MAMDC2: variants seen among roughly 807,000 people sequenced by gnomAD.
The protein encoded by MAMDC2 is MAM domain-containing protein 2.
A neutral mutation model predicts 89.8 loss-of-function variants in MAMDC2; 57 were observed. That is an observed-to-expected ratio of 0.63 (90% CI 0.51 to 0.79). MAMDC2 has a LOEUF of 0.79. Among genes scored for constraint, MAMDC2 ranks in the 30% least tolerant of loss-of-function variants. The pLI, the probability that MAMDC2 is intolerant of heterozygous loss-of-function variation, is 0.00. For synonymous variants in MAMDC2, 313 were observed against 293.4 expected, an observed-to-expected ratio of 1.07 and a Z score of -0.68; for missense variants, 800 against 820.6, an observed-to-expected ratio of 0.97 and a Z score of 0.31.
intron 2 of MAMDC2, among the ~76,000 whole-genome samples, chr9:70,063,531 G>T (rs566645197): frequency 6.6e-6 from 1 of 152,176 alleles, no homozygotes; most frequent in South Asian, 2.1e-4. Flanking sequence ...GTAAATAAAA[G>T]AAAAATATAA....
At chr9:70,205,204 AAGTGTCTAATTC>A (rs1429318718) in intron 11 of MAMDC2, among the ~76,000 whole-genome samples, 2 of 152,218 alleles carry the variant, frequency 1.3e-5, no homozygotes, top group Non-Finnish European at 2.9e-5. Flanking sequence ...TAACCATTTT[AAGTGTCTAATTC>A]AGTGGCACTG....
At chr9:70,085,804 T>G (rs1423065009) in intron 2 of MAMDC2, 1 of 152,106 alleles carries the variant, frequency 6.6e-6, no homozygotes, top group South Asian at 2.1e-4. Context: ...ACATGAGAAA[T>G]TACACCTCAA....
intron 11 of MAMDC2, among the ~76,000 whole-genome samples, chr9:70,199,975 C>T (rs1051667761): frequency 4.6e-5 from 7 of 152,090 alleles, no homozygotes; most frequent in East Asian, 1.9e-4. Flanking sequence ...GAGTGGGTTG[C>T]GAAAATTTTC....
At chr9:70,137,776 T>C (rs1270925984) in intron 7 of MAMDC2, among the ~76,000 whole-genome samples, 3 of 152,172 alleles carry the variant, frequency 2.0e-5, no homozygotes, top group African/African-American at 7.2e-5. Flanking sequence ...CAGACAAGAA[T>C]CACACTTGGC....
At position 70,113,015 on chromosome 9, in the gene MAMDC2, C is replaced by A. The variant is rs866535791; in HGVS notation, c.526C>A (p.His176Asn). The A allele has an allele frequency of 1.9e-6, 3 of 1,614,118 alleles. No individual in the cohort carries two copies. Among genetic ancestry groups the A allele is most frequent in the East Asian group, 2.2e-5 (1 of 44,878 alleles). ...YCIECDFEEN[H>N]LCGFVNRWNP... is the part of the protein sequence containing the mutation. ...CCCAGAATGTGACTTTGAAGAAAATCATCTCTGTGGCTTTGTGAACCGCTG... is the reference window on the plus strand; with the variant it reads ...CCCAGAATGTGACTTTGAAGAAAATAATCTCTGTGGCTTTGTGAACCGCTG... The change falls in exon 5 of 14, where the codon CAT (histidine) becomes AAT (asparagine). Residue 176 changes from histidine (H) to asparagine (N), a missense_variant. His to Asn is a moderately conservative substitution (Grantham distance 68, BLOSUM62 1). Coordinates refer to ENST00000377182, the MANE Select transcript of MAMDC2 (RefSeq NM_153267.5).
At chr9:70,059,025 A>G (rs1419357501) in intron 2 of MAMDC2, among the ~76,000 whole-genome samples, 4 of 152,208 alleles carry the variant, frequency 2.6e-5, no homozygotes, top group African/African-American at 4.8e-5. Context: ...CAGTAGAACT[A>G]TGTTTCTTGA....
intron 2 of MAMDC2, among the ~76,000 whole-genome samples, chr9:70,045,905 C>T (rs1307985471): frequency 6.6e-6 from 1 of 152,200 alleles, no homozygotes; most frequent in East Asian, 1.9e-4. Flanking sequence ...ATTGCCAAGT[C>T]TTGACTACTA....
chr9:70,202,539 G>C (rs1480893994), intron 11 of MAMDC2, among the ~76,000 whole-genome samples: 1 of 150,424 alleles, frequency 6.6e-6, no homozygotes, highest in Admixed American at 6.6e-5. Context: ...CTGTTGATTT[G>C]GGGTGGAGAG....
chr9:70,185,716 C>T lies in MAMDC2; in HGVS notation c.1651+15085C>T, dbSNP rs1027225361. Among the ~76,000 whole-genome samples the T allele has an allele frequency of 3.3e-5, 5 of 152,164 alleles. 1 individual carries two copies. In the East Asian group the frequency reaches 5.8e-4, roughly 18 times the overall value. Reference sequence around the variant, plus strand: ...CTGCCTACACAAGCCTCAGTAATGACGGATGCTCCTCTCACACCAAACTCC... The same window carrying T: ...CTGCCTACACAAGCCTCAGTAATGATGGATGCTCCTCTCACACCAAACTCC... On this transcript the variant is annotated intron_variant, in intron 11 of 13. Coordinates refer to ENST00000377182, the MANE Select transcript of MAMDC2 (RefSeq NM_153267.5).
At chr9:70,185,497 C>T (rs1411772186) in intron 11 of MAMDC2, among the ~76,000 whole-genome samples, 2 of 152,232 alleles carry the variant, frequency 1.3e-5, no homozygotes, top group African/African-American at 4.8e-5. Context: ...GCTGCACCCA[C>T]AGCTACCCCT....
At chr9:70,189,175 A>T (rs1201442740) in intron 11 of MAMDC2, among the ~76,000 whole-genome samples, 2 of 152,110 alleles carry the variant, frequency 1.3e-5, no homozygotes, top group Non-Finnish European at 2.9e-5. Context: ...TTCTTCATAC[A>T]AGTTTGAGTT....
Position 70,094,626 on chromosome 9 carries a change from AAG to A in MAMDC2, c.149-13582_149-13581del, listed in dbSNP as rs1014982343. On this transcript the variant is annotated intron_variant, in intron 2 of 13. Coordinates refer to ENST00000377182, the MANE Select transcript of MAMDC2 (RefSeq NM_153267.5). ...CTAATAGGAGATTTCCATAATAAAA[AAG>A]AGTTTTAATGTAGCTTTATATATAA... Among the ~76,000 whole-genome samples, 6 of 152,328 alleles carry A rather than the reference AAG, an allele frequency of 3.9e-5. No individual in the cohort carries two copies. The South Asian group carries it at 6.2e-4, about 16-fold the overall frequency.
At chr9:70,131,121 A>G (rs1041983467) in intron 6 of MAMDC2, among the ~76,000 whole-genome samples, 2 of 152,182 alleles carry the variant, frequency 1.3e-5, no homozygotes, top group African/African-American at 4.8e-5. Flanking sequence ...CCTGGTCCAT[A>G]TGGCACCTAC....
At chr9:70,217,329 T>A (rs1041983766) in intron 11 of MAMDC2, 64 of 1,389,910 alleles carry the variant, frequency 4.6e-5, no homozygotes, top group Non-Finnish European at 6.2e-5. Context: ...CCAAGAGGAA[T>A]CCTTGGCAGA....
chr9:70,179,440 C>T (rs1012004402), intron 11 of MAMDC2, among the ~76,000 whole-genome samples: 4 of 151,478 alleles, frequency 2.6e-5, no homozygotes, highest in Admixed American at 2.0e-4. Flanking sequence ...AGGAGAATGG[C>T]GTGAACCCGG....
intron 2 of MAMDC2, among the ~76,000 whole-genome samples, chr9:70,093,182 CTT>C (rs1827945028): frequency 1.3e-5 from 2 of 152,116 alleles, no homozygotes; most frequent in African/African-American, 4.8e-5. Flanking sequence ...GTATATAACT[CTT>C]TTGTTTGACA....
Position 70,218,336 on chromosome 9 carries a change from G to A in MAMDC2, c.1652-1G>A. On this transcript the variant is annotated splice_acceptor_variant, in intron 11 of 13. Transcript: ENST00000377182. LOFTEE classifies it high-confidence loss of function. ...ATACCTGCTTTTGCATTCACCTCAA[G>A]GCTACTACATGTACATTGAGGCCTC... is the stretch of plus-strand genomic sequence containing the variant. 1 of 1,608,592 alleles carries A rather than the reference G, an allele frequency of 6.2e-7. No homozygotes were observed. The highest frequency in any genetic ancestry group is 8.5e-7 in the Non-Finnish European group (1 of 1,176,234).
chr9:70,045,592 C>T (rs754145744), intron 2 of MAMDC2, among the ~76,000 whole-genome samples: 13 of 152,086 alleles, frequency 8.5e-5, no homozygotes, highest in Non-Finnish European at 1.5e-4. Flanking sequence ...GTCCTCAGGC[C>T]GCAGATCCTC....
chr9:70,087,840 G>A (rs1041564943), intron 2 of MAMDC2, among the ~76,000 whole-genome samples: 4 of 152,190 alleles, frequency 2.6e-5, no homozygotes, highest in African/African-American at 7.2e-5. Flanking sequence ...ACAAAGGCAA[G>A]AGAACCCATT....
Sources: allele counts gnomAD v4.1 joint callset (sites outside exome capture counted in the v4.1 genomes callset), GRCh38; gene constraint gnomAD v4.1.1; transcripts MANE v1.5; gene names NCBI Gene and HGNC (gene_info 2026-07-23, HGNC 2026-07-21).